The following MN1 variants were observed in gnomAD, a reference collection of about 807,000 sequenced individuals.
MN1 encodes the protein transcriptional activator MN1.
A neutral mutation model predicts 86.9 loss-of-function variants in MN1; 19 were observed. The ratio of observed to expected loss-of-function variants is 0.22; its 90% CI spans 0.15 to 0.32. The LOEUF (loss-of-function observed/expected upper bound fraction) is 0.32, where lower values mean the gene tolerates loss of function less well. MN1 is among the 10% of genes least tolerant of loss of function. MN1 has a pLI of 1.00. For synonymous variants in MN1, 928 were observed against 849.6 expected, an observed-to-expected ratio of 1.09 and a Z score of -1.60; for missense variants, 1,841 against 1,862.0, an observed-to-expected ratio of 0.99 and a Z score of 0.21.
At chr22:27,752,419 G>C (rs1408020083) in intron 1 of MN1, among the ~76,000 whole-genome samples, 1 of 152,094 alleles carries the variant, frequency 6.6e-6, no homozygotes, top group Non-Finnish European at 1.5e-5. Context: ...GCCTGGGGTG[G>C]GGGAGTCTAT....
At chr22:27,776,790 G>C (rs1448814356) in intron 1 of MN1, among the ~76,000 whole-genome samples, 6 of 152,178 alleles carry the variant, frequency 3.9e-5, no homozygotes, top group Non-Finnish European at 8.8e-5. Flanking sequence ...ACGACTGCAG[G>C]CCTGGTCATC....
rs1188917861 is a variant in MN1 at position 27,800,196 on chromosome 22, G to T, written c.348C>A (p.Gly116=). 6.4e-7 allele frequency: 1 copy of T among 1,555,402 alleles called. No individual in the cohort carries two copies. The highest frequency in any genetic ancestry group is 8.7e-7 in the Non-Finnish European group (1 of 1,153,952). The stretch of plus-strand genomic sequence containing the variant: ...CCCCGGGGTCCGGGCCACCGAAGTT[G>T]CCCCCAAAGTGGGGGTGATGCTGGT... The part of the protein sequence containing the change: ...HPHQHHPHFG[G]NFGGPDPGAS... The change falls in exon 1 of 2, where the codon GGC becomes GGA. Residue 116 remains glycine, a synonymous_variant. Coordinates refer to ENST00000302326, the MANE Select transcript of MN1 (RefSeq NM_002430.3).
In MN1 at chr22:27,750,863, A is replaced by G; in HGVS notation, c.*52T>C. The stretch of plus-strand genomic sequence containing the variant: ...TGGGGTAAGGTTGAGGGGGAAGGAA[A>G]CAGACAGGGGGAGAGGAAGGGCCTG... On this transcript the variant is annotated 3_prime_UTR_variant, in exon 2 of 2. Transcript: ENST00000302326. 6.8e-7 allele frequency: 1 copy of G among 1,474,268 alleles called. No individual in the cohort carries two copies. The highest frequency in any genetic ancestry group is 9.2e-7 in the Non-Finnish European group (1 of 1,090,832). 91.3% of individuals were successfully genotyped at this position (1,474,268 alleles called of 1,614,324 possible).
intron 1 of MN1, among the ~76,000 whole-genome samples, chr22:27,770,089 G>A (rs946945091): frequency 1.3e-5 from 2 of 152,222 alleles, no homozygotes; most frequent in Non-Finnish European, 2.9e-5. Context: ...CACTGACCAC[G>A]CACAGTTTCA....
At position 27,801,592 on chromosome 22, in the gene MN1, T is replaced by G; in HGVS notation, c.-1049A>C. ...GGCGAGCAGGCTAAGGCGTTCCCGC[T>G]GCGCTCTCAGAGCCCGGAATGGGGG... On this transcript the variant is annotated 5_prime_UTR_variant, in exon 1 of 2. Coordinates refer to ENST00000302326, the MANE Select transcript of MN1 (RefSeq NM_002430.3). 1 of 122,926 alleles carries G rather than the reference T, an allele frequency of 8.1e-6. No individual in the cohort carries two copies. Among genetic ancestry groups the G allele is most frequent in the East Asian group, 2.8e-4 (1 of 3,598 alleles). The allele number at this position is 122,926 out of a possible 1,614,324, so 7.6% of individuals were successfully genotyped here.
At chr22:27,766,272 G>A (rs538750393) in intron 1 of MN1, among the ~76,000 whole-genome samples, 7 of 152,280 alleles carry the variant, frequency 4.6e-5, no homozygotes, top group Admixed American at 3.3e-4. Context: ...GAAAATATTC[G>A]CTGGTCTCCA....
chr22:27,789,998 G>T (rs1275801228), intron 1 of MN1, among the ~76,000 whole-genome samples: 3 of 152,330 alleles, frequency 2.0e-5, no homozygotes, highest in Non-Finnish European at 4.4e-5. Context: ...CGGGAACCCA[G>T]TTTCAACCCC....
Position 27,798,939 on chromosome 22 carries a change from C to T in MN1, c.1605G>A (p.Gln535=), listed in dbSNP as rs570740760. The change falls in exon 1 of 2, where the codon CAG becomes CAA. Residue 535 remains glutamine, a synonymous_variant. Transcript: ENST00000302326. ...GCTGTTGCTGTTGCTGCTGCTGCTG[C>T]TGCTGTTGCTGCTGCTGCTGCTGCT... is the stretch of plus-strand genomic sequence containing the variant. The part of the protein sequence containing the change: ...QQQQQQQQQQ[Q]QQQQQQQQQQ... The T allele has an allele frequency of 5.6e-5, 87 of 1,556,408 alleles. No individual in the cohort carries two copies. Among genetic ancestry groups the T allele is most frequent in the African/African-American group, 1.1e-4 (8 of 72,974 alleles).
intron 1 of MN1, among the ~76,000 whole-genome samples, chr22:27,754,777 G>A (rs1361338237): frequency 2.6e-5 from 4 of 152,084 alleles, no homozygotes; most frequent in East Asian, 1.9e-4. Flanking sequence ...CAGCCCCCAC[G>A]CCAGGACCCA....
In MN1 at chr22:27,800,445, G is replaced by A. The variant is rs1933413054; in HGVS notation, c.99C>T (p.His33=). ...CAGTGTGGAAAGCCGGGGCCTTAAAGTGGGTGTTCATGCTCAGTCCGGTCT... is the reference window on the plus strand; with the variant it reads ...CAGTGTGGAAAGCCGGGGCCTTAAAATGGGTGTTCATGCTCAGTCCGGTCT... ...FNETGLSMNT[H]FKAPAFHTGG... The change falls in exon 1 of 2, where the codon CAC becomes CAT. Residue 33 remains histidine, a synonymous_variant. Transcript: ENST00000302326. 6.2e-7 allele frequency: 1 copy of A among 1,614,116 alleles called. No homozygotes were observed. Among genetic ancestry groups the A allele is most frequent in the African/African-American group, 1.3e-5 (1 of 74,960 alleles).
At chr22:27,757,579 G>C (rs183184678) in intron 1 of MN1, among the ~76,000 whole-genome samples, 1 of 152,178 alleles carries the variant, frequency 6.6e-6, no homozygotes, top group African/African-American at 2.4e-5. Context: ...ACTCACCCTC[G>C]CTGGATTCCG....
rs2146316996 is a variant in MN1 at position 27,798,768 on chromosome 22, G to A, written c.1776C>T (p.Gly592=). ...GCTGGGCCAAGCCGCCCACCGGGCC[G>A]CCATGCACCAGGCCGCCCTGGCCCA... is the stretch of plus-strand genomic sequence containing the variant. ...GDVGQGGLVH[G]GPVGGLAQPN... Residue 592 remains glycine, a synonymous_variant, in exon 1 of 2, where the codon GGC becomes GGT. Coordinates refer to ENST00000302326, the MANE Select transcript of MN1 (RefSeq NM_002430.3). 6.5e-7 allele frequency: 1 copy of A among 1,534,642 alleles called. No homozygotes were observed. The highest frequency in any genetic ancestry group is 1.4e-5 in the African/African-American group (1 of 73,076).
chr22:27,758,361 C>T (rs1288554381), intron 1 of MN1, among the ~76,000 whole-genome samples: 1 of 152,218 alleles, frequency 6.6e-6, no homozygotes, highest in African/African-American at 2.4e-5. Context: ...GCTGTCAGCC[C>T]CATGGCGATG....
In MN1 at chr22:27,750,554, A is replaced by G; in HGVS notation, c.*361T>C. 4.1e-6 allele frequency: 1 copy of G among 243,608 alleles called. No individual in the cohort carries two copies. The highest frequency in any genetic ancestry group is 8.0e-6 in the Non-Finnish European group (1 of 125,528). The allele number at this position is 243,608 out of a possible 1,614,324, so 15.1% of individuals were successfully genotyped here. A position where few individuals can be genotyped will look rare whatever the true frequency, so the allele number is the denominator to read the frequency against. ...ATACTTGGACATACAGCAGCATGAA[A>G]ACAAAACAAGGAAAGAGGTCATCTA... On this transcript the variant is annotated 3_prime_UTR_variant, in exon 2 of 2. Coordinates refer to ENST00000302326, the MANE Select transcript of MN1 (RefSeq NM_002430.3).
rs3819661 is a variant in MN1, at chr22:27,764,855, G to A, written c.3782-13759C>T. Among the ~76,000 whole-genome samples the A allele has an allele frequency of 3.7e-3, 557 of 152,260 alleles. 22 individuals are homozygous for A. In the East Asian group the frequency reaches 0.085, roughly 23 times the overall value. The stretch of plus-strand genomic sequence containing the variant: ...CTAGTCCCATTTCTCAGATAAAGAC[G>A]CTGCTAGGGTCAGCCCACTACAGCA... On this transcript the variant is annotated intron_variant, in intron 1 of 1. Coordinates refer to ENST00000302326, the MANE Select transcript of MN1 (RefSeq NM_002430.3).
In MN1 at chr22:27,797,399, C is replaced by A. The variant is rs531873464; in HGVS notation, c.3145G>T (p.Val1049Leu). The A allele has an allele frequency of 3.1e-6, 5 of 1,612,116 alleles. No homozygotes were observed. In the South Asian group the frequency reaches 4.4e-5, roughly 14 times the overall value. The change falls in exon 1 of 2, where the codon GTG becomes TTG. Residue 1049 changes from valine (V) to leucine (L), a missense_variant. By Grantham distance (32) the Val-to-Leu change is conservative. Transcript: ENST00000302326. The part of the protein sequence containing the change: ...PNVGEFASDE[V>L]STSYANEDEV... ...TCCTCATTGGCGTAGCTCGTGCTCA[C>A]CTCGTCCGAGGCGAACTCACCCACG...
At chr22:27,763,430 A>T (rs1280869028) in intron 1 of MN1, among the ~76,000 whole-genome samples, 5 of 152,142 alleles carry the variant, frequency 3.3e-5, no homozygotes, top group Non-Finnish European at 1.5e-5. Flanking sequence ...ACAGTCACGC[A>T]CTTTGGAGAC....
intron 1 of MN1, among the ~76,000 whole-genome samples, chr22:27,772,389 G>A (rs1318302807): frequency 2.0e-5 from 3 of 152,240 alleles, no homozygotes; most frequent in African/African-American, 7.2e-5. Flanking sequence ...CCTTTCGAGG[G>A]AGTTGGGGTG....
intron 1 of MN1, among the ~76,000 whole-genome samples, chr22:27,795,904 G>A (rs1663870645): frequency 6.6e-6 from 1 of 152,134 alleles, no homozygotes; most frequent in Non-Finnish European, 1.5e-5. Context: ...GCCTGGTGGG[G>A]AGGGGGTGCT....
Sources: allele counts gnomAD v4.1 joint callset (sites outside exome capture counted in the v4.1 genomes callset), GRCh38; gene constraint gnomAD v4.1.1; transcripts MANE v1.5; gene names NCBI Gene and HGNC (gene_info 2026-07-23, HGNC 2026-07-21).